TLL1: variants seen among roughly 807,000 people sequenced by gnomAD.
TLL1 encodes tolloid-like protein 1.
A neutral mutation model predicts 128.2 loss-of-function variants in TLL1; 49 were observed. That is an observed-to-expected ratio of 0.38 (90% CI 0.30 to 0.48). The LOEUF (loss-of-function observed/expected upper bound fraction) is 0.48, where lower values mean the gene tolerates loss of function less well. TLL1 is among the 20% of genes least tolerant of loss of function. TLL1 has a pLI of 0.96. For synonymous variants in TLL1, 454 were observed against 418.8 expected (o/e 1.08, Z -1.03); for missense variants, 1,123 against 1,242.0 (o/e 0.90, Z 1.44).
At chr4:166,078,598 T>C (rs1171144892) in intron 18 of TLL1, among the ~76,000 whole-genome samples, 1 of 152,206 alleles carries the variant, frequency 6.6e-6, no homozygotes, top group Non-Finnish European at 1.5e-5. Context: ...TAATGTCTCA[T>C]CTCTCCTGCA....
intron 19 of TLL1, among the ~76,000 whole-genome samples, chr4:166,092,948 A>G (rs540882557): frequency 7.9e-5 from 12 of 152,258 alleles, no homozygotes; most frequent in East Asian, 3.9e-4. Context: ...TACAGCAGTA[A>G]AACTCCATAA....
At chr4:166,033,720 G>A (rs1187922551) in intron 9 of TLL1, among the ~76,000 whole-genome samples, 1 of 152,128 alleles carries the variant, frequency 6.6e-6, no homozygotes, top group Non-Finnish European at 1.5e-5. Context: ...GACTCTCAAA[G>A]TACAGAGGGA....
chr4:166,043,322 C>G lies in TLL1; in HGVS notation c.1427C>G (p.Pro476Arg). 1 of 1,614,076 alleles carries G rather than the reference C, an allele frequency of 6.2e-7. No individual in the cohort carries two copies. Among genetic ancestry groups the G allele is most frequent in the African/African-American group, 1.3e-5 (1 of 75,024 alleles). ...IRKNEGQIQS[P>R]NYPDDYRPMK... ...AAAAATGAAGGACAGATTCAGTCTC[C>G]CAATTATCCTGATGACTATCGCCCG... The change falls in exon 12 of 21, where the codon CCC becomes CGC. Residue 476 changes from proline to arginine, a missense_variant. Pro to Arg is a moderately radical substitution (Grantham distance 103). Coordinates refer to ENST00000061240, the MANE Select transcript of TLL1 (RefSeq NM_012464.5).
intron 12 of TLL1, among the ~76,000 whole-genome samples, chr4:166,052,503 G>A (rs1024250514): frequency 6.6e-6 from 1 of 152,022 alleles, no homozygotes; most frequent in African/African-American, 2.4e-5. Context: ...CACCACCTTG[G>A]CCAGGCTGGT....
intron 1 of TLL1, among the ~76,000 whole-genome samples, chr4:165,969,793 A>G (rs1173375106): frequency 1.3e-5 from 2 of 152,160 alleles, no homozygotes; most frequent in African/African-American, 4.8e-5. Flanking sequence ...TTTCTTATTA[A>G]AATGTTAACT....
At chr4:166,051,327 T>TTCCTTCC (rs1560836757) in intron 12 of TLL1, among the ~76,000 whole-genome samples, 1 of 101,980 alleles carries the variant, frequency 9.8e-6, no homozygotes, top group African/African-American at 3.2e-5. Flanking sequence ...TCCTTCCTTC[T>TTCCTTCC]TTCCTTCCTC....
chr4:165,966,655 G>A lies in TLL1; in HGVS notation c.170-22726G>A, dbSNP rs553278439. On this transcript the variant is annotated intron_variant, in intron 1 of 20. Transcript: ENST00000061240. The stretch of plus-strand genomic sequence containing the variant: ...GTTTCTGGGGGAGACATCACATGTC[G>A]GCAGGTTCCGTGACGTCCCTTGAGC... 5.9e-5 allele frequency among the ~76,000 whole-genome samples: 9 copies of A among 152,144 alleles called. No homozygotes were observed. In the South Asian group the frequency reaches 8.3e-4, roughly 14 times the overall value.
Position 166,057,687 on chromosome 4 carries a change from C to T in TLL1, c.1846+378C>T, listed in dbSNP as rs561905848. Among the ~76,000 whole-genome samples, 11 of 152,146 alleles carry T rather than the reference C, an allele frequency of 7.2e-5. No individual in the cohort carries two copies. In the South Asian group the frequency reaches 1.2e-3, roughly 17 times the overall value. ...GTTCCACATGGCTGGTGAGGCCTCACGATAATGGGAGAAGACAAAAGAAGA... is the reference window on the plus strand; with the variant it reads ...GTTCCACATGGCTGGTGAGGCCTCATGATAATGGGAGAAGACAAAAGAAGA... On this transcript the variant is annotated intron_variant, in intron 14 of 20. Coordinates refer to ENST00000061240, the MANE Select transcript of TLL1 (RefSeq NM_012464.5).
chr4:166,078,652 G>T (rs1489107665), intron 18 of TLL1, among the ~76,000 whole-genome samples: 1 of 152,084 alleles, frequency 6.6e-6, no homozygotes, highest in Admixed American at 6.6e-5. Context: ...ATAATAACCT[G>T]ATAATAAATG....
intron 1 of TLL1, among the ~76,000 whole-genome samples, chr4:165,959,983 C>T (rs1243650214): frequency 1.3e-5 from 2 of 152,004 alleles, no homozygotes; most frequent in Middle Eastern, 3.2e-3. Context: ...AAATAAATGA[C>T]TATATTCGAG....
At chr4:166,088,601 C>G (rs978021154) in intron 18 of TLL1, among the ~76,000 whole-genome samples, 2 of 152,078 alleles carry the variant, frequency 1.3e-5, no homozygotes, top group African/African-American at 4.8e-5. Flanking sequence ...TTTGACCTAA[C>G]AAGTTGCTAC....
intron 1 of TLL1, among the ~76,000 whole-genome samples, chr4:165,937,113 A>G (rs1470607506): frequency 6.6e-6 from 1 of 152,116 alleles, no homozygotes; most frequent in Non-Finnish European, 1.5e-5. Flanking sequence ...CTATTATGTA[A>G]CCCCAAATTT....
intron 17 of TLL1, among the ~76,000 whole-genome samples, chr4:166,076,548 T>A (rs888953659): frequency 6.6e-6 from 1 of 152,198 alleles, no homozygotes; most frequent in African/African-American, 2.4e-5. Flanking sequence ...CGCACTTTCA[T>A]AAACTTGTCC....
chr4:165,873,805 G>C lies in TLL1; in HGVS notation c.-100G>C. 1 of 1,381,666 alleles carries C rather than the reference G, an allele frequency of 7.2e-7. No individual in the cohort carries two copies. Among genetic ancestry groups the C allele is most frequent in the Admixed American group, 1.8e-5 (1 of 56,974 alleles). The allele number at this position is 1,381,666 out of a possible 1,614,324, so 85.6% of individuals were successfully genotyped here. A position where few individuals can be genotyped will look rare whatever the true frequency, so the allele number is the denominator to read the frequency against. On this transcript the variant is annotated 5_prime_UTR_variant, in exon 1 of 21. Transcript: ENST00000061240. ...CGGTCCCGCCGAGGAGCCTCCGGGT[G>C]GGGAGAAGAGCACCGGTGCCCCTAG...
At chr4:166,063,424 A>T (rs1295597030) in intron 15 of TLL1, among the ~76,000 whole-genome samples, 1 of 152,148 alleles carries the variant, frequency 6.6e-6, no homozygotes, top group Non-Finnish European at 1.5e-5. Flanking sequence ...ATTGTGGAAG[A>T]CAGTGTGACG....
intron 1 of TLL1, among the ~76,000 whole-genome samples, chr4:165,918,070 C>T (rs530139112): frequency 6.6e-6 from 1 of 152,032 alleles, no homozygotes; most frequent in African/African-American, 2.4e-5. Context: ...TCTTACCCCC[C>T]ACAGCATACA....
chr4:166,041,311 T>C (rs1408389610), intron 10 of TLL1, among the ~76,000 whole-genome samples: 1 of 151,238 alleles, frequency 6.6e-6, no homozygotes, highest in African/African-American at 2.4e-5. Context: ...TTTCTTTTTT[T>C]TTTTTTTTGA....
chr4:166,077,693 T>C (rs1741096807), intron 17 of TLL1, among the ~76,000 whole-genome samples: 1 of 152,184 alleles, frequency 6.6e-6, no homozygotes, highest in Non-Finnish European at 1.5e-5. Context: ...AAATACTTAA[T>C]TTCATGTGAG....
chr4:166,057,498 T>C (rs1017129881), intron 14 of TLL1, among the ~76,000 whole-genome samples, 189 bp downstream of exon 14: 1 of 152,158 alleles, frequency 6.6e-6, no homozygotes, highest in African/African-American at 2.4e-5. Flanking sequence ...GAATGGGTCC[T>C]TTCCTCCTTT....
Sources: allele counts gnomAD v4.1 joint callset (sites outside exome capture counted in the v4.1 genomes callset), GRCh38; gene constraint gnomAD v4.1.1; transcripts MANE v1.5; gene names NCBI Gene and HGNC (gene_info 2026-07-23, HGNC 2026-07-21).